Variants in DIAPH3 observed in about 807,000 individuals in gnomAD.
DIAPH3 encodes diaphanous related formin 3, also known as protein diaphanous homolog 3.
In DIAPH3, 117 loss-of-function variants were observed where a neutral mutation model predicts 144.3. The ratio of observed to expected loss-of-function variants is 0.81; its 90% CI spans 0.70 to 0.95. The LOEUF (loss-of-function observed/expected upper bound fraction) is 0.95. Ranked by LOEUF, DIAPH3 falls within the 40% of genes least tolerant of loss-of-function variation. DIAPH3 has a pLI of 0.00. For missense variants in DIAPH3, 1,421 were observed against 1,412.7 expected, an observed-to-expected ratio of 1.01 and a Z score of -0.09; for synonymous variants, 519 against 488.9, an observed-to-expected ratio of 1.06 and a Z score of -0.81.
intron 13 of DIAPH3, among the ~76,000 whole-genome samples, chr13:59,982,775 A>C (rs182070193): frequency 6.6e-6 from 1 of 151,806 alleles, no homozygotes; most frequent in African/African-American, 2.4e-5. Flanking sequence ...TTGCCTATGC[A>C]GAATTTGTAA....
chr13:59,802,219 A>G (rs186438690), intron 25 of DIAPH3, among the ~76,000 whole-genome samples: 39 of 152,328 alleles, frequency 2.6e-4, no homozygotes, highest in Non-Finnish European at 4.4e-4. Flanking sequence ...GGCTAAAAGG[A>G]TAAGAAGCAC....
intron 21 of DIAPH3, among the ~76,000 whole-genome samples, chr13:59,878,635 T>C (rs2044786390): frequency 6.6e-6 from 1 of 152,106 alleles, no homozygotes. Context: ...GTAAGGAAAT[T>C]CAACCTATGA....
chr13:60,065,988 AAATAAAATGTCATTTT>A (rs1262305521), intron 4 of DIAPH3, among the ~76,000 whole-genome samples: 1 of 152,182 alleles, frequency 6.6e-6, no homozygotes, highest in East Asian at 1.9e-4. Context: ...ATATATATCA[AAATAAAATGTCATTTT>A]TAATAAATCA....
chr13:60,084,570 T>C lies in DIAPH3; in HGVS notation c.495+9058A>G, dbSNP rs192682784. Among the ~76,000 whole-genome samples, 205 of 151,884 alleles carry C rather than the reference T, an allele frequency of 1.3e-3. 1 individual carries two copies. The highest frequency in any genetic ancestry group is 1.1e-3 in the Non-Finnish European group (75 of 67,914). ...AAAATGCAGAAAAAAGGTTTTAAAC[T>C]CACCAAAGTAGCACAAAGCAGTTTC... On this transcript the variant is annotated intron_variant, in intron 4 of 27. Transcript: ENST00000400324.
intron 2 of DIAPH3, among the ~76,000 whole-genome samples, chr13:60,129,743 A>G (rs2059091048): frequency 6.6e-6 from 1 of 152,236 alleles, no homozygotes; most frequent in African/African-American, 2.4e-5. Flanking sequence ...GCAAACTTCA[A>G]TCAGAAAACA....
At chr13:59,961,196 A>C (rs968029820) in intron 17 of DIAPH3, among the ~76,000 whole-genome samples, 1 of 152,228 alleles carries the variant, frequency 6.6e-6, no homozygotes, top group Non-Finnish European at 1.5e-5. Context: ...AAACTTTACA[A>C]GTTGAAATGA....
In DIAPH3 at chr13:60,008,596, T is replaced by C. The variant is rs2140936559; in HGVS notation, c.962A>G (p.Asp321Gly). 2 of 1,613,756 alleles carry C rather than the reference T, an allele frequency of 1.2e-6. No individual in the cohort carries two copies. Among genetic ancestry groups the C allele is most frequent in the East Asian group, 2.2e-5 (1 of 44,834 alleles). Residue 321 changes from aspartate (D) to glycine (G), a missense_variant, in exon 9 of 28, where the codon GAC becomes GGC. Asp to Gly is a moderately conservative substitution (Grantham distance 94, BLOSUM62 -1). Transcript: ENST00000400324. ...GCCTTCCACAATACAAAAAAATCTGTCAATTTTTTTTTCTTCACCAGCTGA... is the reference window on the plus strand; with the variant it reads ...GCCTTCCACAATACAAAAAAATCTGCCAATTTTTTTTTCTTCACCAGCTGA... ...LTSAGEEKKI[D>G]RFFCIVEGLR...
Position 59,794,314 on chromosome 13 carries a change from T to A in DIAPH3, c.3163+16474A>T, listed in dbSNP as rs563258346. Reference sequence around the variant, plus strand: ...ACCATTTTCCCCAAACCTCTACCTCTTATTGTGTCCCTTATCTCAGTGAAT... The same window carrying A: ...ACCATTTTCCCCAAACCTCTACCTCATATTGTGTCCCTTATCTCAGTGAAT... On this transcript the variant is annotated intron_variant, in intron 25 of 27. Transcript: ENST00000400324. Among the ~76,000 whole-genome samples, 12 of 152,308 alleles carry A rather than the reference T, an allele frequency of 7.9e-5. No homozygotes were observed. In the South Asian group the frequency reaches 2.5e-3, roughly 32 times the overall value.
intron 27 of DIAPH3, among the ~76,000 whole-genome samples, chr13:59,725,119 T>G (rs2035544793): frequency 6.6e-6 from 1 of 152,190 alleles, no homozygotes; most frequent in Non-Finnish European, 1.5e-5. Context: ...CATAGCTAAG[T>G]TTTGCTCAAG....
At chr13:59,860,812 A>G (rs2043533970) in intron 22 of DIAPH3, among the ~76,000 whole-genome samples, 1 of 152,170 alleles carries the variant, frequency 6.6e-6, no homozygotes, top group South Asian at 2.1e-4. Context: ...TTTAAATCAT[A>G]TTATAACCAA....
At chr13:59,951,464 C>G (rs1270871762) in intron 17 of DIAPH3, among the ~76,000 whole-genome samples, 1 of 152,060 alleles carries the variant, frequency 6.6e-6, no homozygotes, top group African/African-American at 2.4e-5. Context: ...TGAACTAATA[C>G]AGACATACAT....
chr13:59,957,569 A>C (rs190189889), intron 17 of DIAPH3, among the ~76,000 whole-genome samples: 141 of 152,324 alleles, frequency 9.3e-4, no homozygotes, highest in South Asian at 2.5e-3. Flanking sequence ...GAGAACAGAC[A>C]ATTATAGTTA....
intron 1 of DIAPH3, among the ~76,000 whole-genome samples, chr13:60,141,413 A>G (rs1408991814): frequency 6.6e-6 from 1 of 152,226 alleles, no homozygotes; most frequent in Non-Finnish European, 1.5e-5. Flanking sequence ...CAAAAGAACA[A>G]GATAAACCAA....
chr13:60,114,881 T>C (rs1202896525), intron 2 of DIAPH3, among the ~76,000 whole-genome samples: 1 of 152,042 alleles, frequency 6.6e-6, no homozygotes, highest in Non-Finnish European at 1.5e-5. Context: ...GAAAGAAAGG[T>C]AGGGTTGACT....
intron 27 of DIAPH3, among the ~76,000 whole-genome samples, chr13:59,753,355 C>A (rs376388846): frequency 4.6e-5 from 7 of 152,096 alleles, no homozygotes; most frequent in Non-Finnish European, 7.4e-5. Flanking sequence ...AAACTTCAGA[C>A]AAAATGTAGC....
chr13:59,764,990 G>T (rs1028397758), intron 27 of DIAPH3, among the ~76,000 whole-genome samples: 3 of 151,784 alleles, frequency 2.0e-5, no homozygotes, highest in Non-Finnish European at 4.4e-5. Flanking sequence ...ACATATTGTT[G>T]TTCCAGATTA....
chr13:59,890,553 A>G (rs1435276574), intron 20 of DIAPH3, among the ~76,000 whole-genome samples: 1 of 151,894 alleles, frequency 6.6e-6, no homozygotes, highest in East Asian at 1.9e-4. Context: ...CGTAATTTTT[A>G]CAACTTTTTA....
At chr13:59,825,240 A>T (rs1486637217) in intron 24 of DIAPH3, among the ~76,000 whole-genome samples, 1 of 151,228 alleles carries the variant, frequency 6.6e-6, no homozygotes, top group Non-Finnish European at 1.5e-5. Context: ...TCCTGTGTCC[A>T]TGTGTTCTCA....
At chr13:59,945,390 A>G (rs1417947443) in intron 17 of DIAPH3, among the ~76,000 whole-genome samples, 1 of 152,164 alleles carries the variant, frequency 6.6e-6, no homozygotes, top group Non-Finnish European at 1.5e-5. Flanking sequence ...TCTGCTCAGC[A>G]CTGTATCCCA....
Sources: allele counts gnomAD v4.1 joint callset (sites outside exome capture counted in the v4.1 genomes callset), GRCh38; gene constraint gnomAD v4.1.1; transcripts MANE v1.5; gene names NCBI Gene and HGNC (gene_info 2026-07-23, HGNC 2026-07-21).